CDADC1: variants seen among roughly 807,000 people sequenced by gnomAD.
CDADC1 encodes dCTP deaminase.
CDADC1 carries 39 observed loss-of-function variants against 54.9 expected under a neutral mutation model. The ratio of observed to expected loss-of-function variants is 0.71; its 90% CI spans 0.55 to 0.93. CDADC1 has a LOEUF of 0.93. CDADC1 is among the 40% of genes least tolerant of loss of function. The pLI is 0.00. For missense variants in CDADC1, 518 were observed against 618.8 expected, an observed-to-expected ratio of 0.84 and a Z score of 1.73; for synonymous variants, 186 against 204.0, an observed-to-expected ratio of 0.91 and a Z score of 0.75.
chr13:49,273,703 G>C (rs1251122314), intron 5 of CDADC1, among the ~76,000 whole-genome samples: 1 of 150,988 alleles, frequency 6.6e-6, no homozygotes, highest in Non-Finnish European at 1.5e-5. Context: ...ACAACATTTT[G>C]TTTAAATCAG....
chr13:49,271,299 G>A (rs1425993526), intron 5 of CDADC1, among the ~76,000 whole-genome samples: 1 of 152,146 alleles, frequency 6.6e-6, no homozygotes, highest in Non-Finnish European at 1.5e-5. Context: ...CAGGAGGAAG[G>A]CATCAAAAAT....
chr13:49,278,533 C>G lies in CDADC1; in HGVS notation c.1220+14C>G. On this transcript the variant is annotated intron_variant, in intron 7 of 9. Transcript: ENST00000251108. ...CTTGACATTTAGGTATGAAATCCTT[C>G]TTGGTGTACTTTTCTTTAAAATGTA... 1 of 1,455,860 alleles carries G rather than the reference C, an allele frequency of 6.9e-7. No individual in the cohort carries two copies. Among genetic ancestry groups the G allele is most frequent in the South Asian group, 1.5e-5 (1 of 67,788 alleles). The allele number at this position is 1,455,860 out of a possible 1,614,324, so 90.2% of individuals were successfully genotyped here.
Position 49,259,404 on chromosome 13 carries a change from C to T in CDADC1, c.311C>T (p.Ser104Phe), listed in dbSNP as rs1952618508. The change falls in exon 4 of 10, where the codon TCT becomes TTT. Residue 104 changes from serine to phenylalanine, a missense_variant. Physicochemically the swap from Ser to Phe is radical, Grantham distance 155. Coordinates refer to ENST00000251108, the MANE Select transcript of CDADC1 (RefSeq NM_030911.4). Reference protein sequence around the residue: ...KNMKIVGLHCSSEDLHAGQIA... With the variant: ...KNMKIVGLHCFSEDLHAGQIA... ...ATGAAAATTGTTGGTCTCCACTGTT[C>T]TAGTGAAGATTTACATGCCGGGCAG... The T allele has an allele frequency of 1.2e-6, 2 of 1,613,762 alleles. No individual in the cohort carries two copies. Among genetic ancestry groups the T allele is most frequent in the African/African-American group, 1.3e-5 (1 of 75,022 alleles).
chr13:49,285,010 C>A (rs545386275), intron 8 of CDADC1, among the ~76,000 whole-genome samples: 1 of 152,264 alleles, frequency 6.6e-6, no homozygotes, highest in South Asian at 2.1e-4. Flanking sequence ...TGTGAATCTT[C>A]AGGCTTCCCT....
At chr13:49,249,100 A>G in intron 2 of CDADC1, 135 bp downstream of exon 2, 1 of 614,420 alleles carries the variant, frequency 1.6e-6, no homozygotes, top group South Asian at 1.9e-5. Context: ...ATTGATTAAC[A>G]TGACACTTTA....
chr13:49,283,698 A>G (rs2138262644), intron 8 of CDADC1, among the ~76,000 whole-genome samples: 1 of 152,214 alleles, frequency 6.6e-6, no homozygotes, highest in East Asian at 1.9e-4. Flanking sequence ...GGGGATCTTC[A>G]GGGGCAGAGA....
intron 4 of CDADC1, among the ~76,000 whole-genome samples, chr13:49,262,335 C>T (rs1331993321): frequency 1.3e-5 from 2 of 151,812 alleles, no homozygotes; most frequent in Non-Finnish European, 1.5e-5. Context: ...CCCAGCTACT[C>T]GGGAGGCTGA....
At chr13:49,255,386 T>A (rs1952520342) in intron 2 of CDADC1, among the ~76,000 whole-genome samples, 1 of 152,166 alleles carries the variant, frequency 6.6e-6, no homozygotes, top group South Asian at 2.1e-4. Context: ...AGTCACAGGC[T>A]CCAGTGACTG....
At chr13:49,287,377 T>A (rs1157983585) in intron 9 of CDADC1, among the ~76,000 whole-genome samples, 3 of 152,230 alleles carry the variant, frequency 2.0e-5, no homozygotes, top group South Asian at 2.1e-4. Flanking sequence ...CTTTATTTGA[T>A]TCAAATAGAA....
At chr13:49,283,458 G>A (rs1953410510) in intron 8 of CDADC1, among the ~76,000 whole-genome samples, 1 of 152,022 alleles carries the variant, frequency 6.6e-6, no homozygotes, top group Non-Finnish European at 1.5e-5. Flanking sequence ...TTTGTTTTCT[G>A]TCTCTTCATT....
chr13:49,274,100 G>T (rs760428387), intron 5 of CDADC1, among the ~76,000 whole-genome samples, 191 bp from the exon 6 acceptor site: 1 of 152,060 alleles, frequency 6.6e-6, no homozygotes, highest in Non-Finnish European at 1.5e-5. Context: ...TAGTTATTTG[G>T]TACCTAGCTC....
intron 8 of CDADC1, among the ~76,000 whole-genome samples, chr13:49,281,924 C>T: frequency 7.8e-6 from 1 of 128,288 alleles, no homozygotes; most frequent in South Asian, 3.2e-4. Context: ...CCCCCACCCC[C>T]CTCCCCCCAC....
intron 6 of CDADC1, among the ~76,000 whole-genome samples, chr13:49,277,641 T>C (rs1478871476): frequency 6.6e-6 from 1 of 152,124 alleles, no homozygotes; most frequent in African/African-American, 2.4e-5. Flanking sequence ...TTATAGCATA[T>C]TCCAAAAAAC....
intron 3 of CDADC1, among the ~76,000 whole-genome samples, chr13:49,257,911 T>C (rs1952585239): frequency 6.6e-6 from 1 of 152,242 alleles, no homozygotes; most frequent in Non-Finnish European, 1.5e-5. Context: ...CAAGAAATTT[T>C]GGTAGGGAGG....
intron 8 of CDADC1, 110 bp downstream of exon 8, chr13:49,280,808 T>TATC: frequency 5.0e-6 from 1 of 198,062 alleles, no homozygotes; most frequent in Non-Finnish European, 9.8e-6. Flanking sequence ...TTCAACAAAT[T>TATC]ATTATTATTA....
Position 49,275,726 on chromosome 13 carries a change from TAGAGAGAGAGAG to T in CDADC1, c.1050+1445_1050+1456del, listed in dbSNP as rs1163125791. 9.8e-3 allele frequency among the ~76,000 whole-genome samples: 174 copies of T among 17,798 alleles called. 2 individuals carry two copies. The highest frequency in any genetic ancestry group is 0.014 in the East Asian group (8 of 556). 11.7% of individuals were successfully genotyped at this position (17,798 alleles called of 152,430 possible). On this transcript the variant is annotated intron_variant, in intron 6 of 9. Transcript: ENST00000251108. Reference sequence around the variant, plus strand: ...ATATATATATATATATATATATATATAGAGAGAGAGAGAGAGAGAGAGAGAGAGAGAGAGAGA... The same window carrying T: ...ATATATATATATATATATATATATATAGAGAGAGAGAGAGAGAGAGAGAGA...
chr13:49,274,417 G>T (rs998277794), intron 6 of CDADC1, 77 bp downstream of exon 6: 6 of 1,127,870 alleles, frequency 5.3e-6, no homozygotes, highest in African/African-American at 4.6e-5. Flanking sequence ...TGCATTACAG[G>T]TTACTGACTG....
chr13:49,268,542 A>G (rs1189164119), intron 5 of CDADC1, among the ~76,000 whole-genome samples: 1 of 152,070 alleles, frequency 6.6e-6, no homozygotes, highest in African/African-American at 2.4e-5. Context: ...GTGCGTGCCT[A>G]TAGTCCCGGC....
chr13:49,282,967 G>A (rs1953393123), intron 8 of CDADC1, among the ~76,000 whole-genome samples: 1 of 152,148 alleles, frequency 6.6e-6, no homozygotes, highest in South Asian at 2.1e-4. Flanking sequence ...ATAGCAAAAG[G>A]ATCCTGTCCA....
Sources: allele counts gnomAD v4.1 joint callset (sites outside exome capture counted in the v4.1 genomes callset), GRCh38; gene constraint gnomAD v4.1.1; transcripts MANE v1.5; gene names NCBI Gene and HGNC (gene_info 2026-07-23, HGNC 2026-07-21).